Variants in CABP1 observed in about 807,000 individuals in gnomAD.
The protein encoded by CABP1 is calcium-binding protein 1.
CABP1 carries 17 observed loss-of-function variants against 34.3 expected under a neutral mutation model. That is an observed-to-expected ratio of 0.50 (90% confidence interval 0.34 to 0.74). The LOEUF (loss-of-function observed/expected upper bound fraction) is 0.74, where lower values mean the gene tolerates loss of function less well. Among genes scored for constraint, CABP1 ranks in the 30% least tolerant of loss-of-function variants. CABP1 has a pLI of 0.01. For synonymous variants in CABP1, 198 were observed against 229.2 expected (o/e 0.86, Z 1.23); for missense variants, 373 against 511.1 (o/e 0.73, Z 2.61).
chr12:120,643,598 A>G (rs1879434082), intron 1 of CABP1, among the ~76,000 whole-genome samples: 1 of 152,186 alleles, frequency 6.6e-6, no homozygotes, highest in Admixed American at 6.5e-5. Context: ...TCTTTTTTAA[A>G]AAATATATTT....
intron 2 of CABP1, 55 bp downstream of exon 2, chr12:120,659,963 G>A: frequency 1.3e-6 from 2 of 1,571,426 alleles, no homozygotes; most frequent in African/African-American, 1.4e-5. Flanking sequence ...GAAGGTGTGG[G>A]AAGGGAGGTT....
intron 1 of CABP1, chr12:120,655,163 C>G (rs899077563): frequency 3.3e-5 from 5 of 152,972 alleles, no homozygotes; most frequent in African/African-American, 1.2e-4. Context: ...TGCGGTGGCT[C>G]ACGCCTGTAA....
intron 1 of CABP1, among the ~76,000 whole-genome samples, chr12:120,646,244 C>G (rs1223193678): frequency 6.6e-6 from 1 of 152,182 alleles, no homozygotes; most frequent in Non-Finnish European, 1.5e-5. Context: ...TGTCTTAGTA[C>G]CGGGCTGTCA....
downstream of CABP1, among the ~76,000 whole-genome samples, chr12:120,670,333 G>A (rs1881210466): frequency 6.6e-6 from 1 of 152,164 alleles, no homozygotes; most frequent in Admixed American, 6.5e-5. Context: ...ATGACTGTTT[G>A]AAGAAAGGGG....
chr12:120,677,335 G>C, the CABP1 span, among the ~76,000 whole-genome samples: 1 of 150,014 alleles, frequency 6.7e-6, no homozygotes, highest in South Asian at 2.1e-4. Flanking sequence ...TGATCTGCCT[G>C]CCTTGGCCTC....
chr12:120,647,032 C>T (rs1593155253), intron 1 of CABP1, among the ~76,000 whole-genome samples: 1 of 152,178 alleles, frequency 6.6e-6, no homozygotes, highest in East Asian at 1.9e-4. Context: ...CCAGGTTTTG[C>T]CGGCTCCTGT....
intron 5 of CABP1, among the ~76,000 whole-genome samples, chr12:120,662,837 A>C (rs1035735826): frequency 6.6e-6 from 1 of 150,914 alleles, no homozygotes; most frequent in African/African-American, 2.4e-5. Context: ...GGCGCCTACC[A>C]CCACGTCCAG....
At chr12:120,646,839 G>GA (rs1384492391) in intron 1 of CABP1, among the ~76,000 whole-genome samples, 1 of 152,188 alleles carries the variant, frequency 6.6e-6, no homozygotes, top group Admixed American at 6.5e-5. Context: ...ATTTCCTACT[G>GA]AAGGCTGAGC....
At chr12:120,672,292 C>A (rs1350673995), downstream of CABP1, among the ~76,000 whole-genome samples, 2 of 152,068 alleles carry the variant, frequency 1.3e-5, no homozygotes, top group African/African-American at 2.4e-5. Context: ...CTGGGAAAAA[C>A]AATACAGGTC....
the CABP1 span, among the ~76,000 whole-genome samples, chr12:120,679,442 G>T: frequency 7.2e-5 from 11 of 152,324 alleles, no homozygotes; most frequent in South Asian, 2.3e-3. Flanking sequence ...AGGTCATTAA[G>T]AGCATCGGAT....
chr12:120,641,148 C>A lies in CABP1; in HGVS notation c.463C>A (p.Arg155=). The A allele has an allele frequency of 8.1e-7, 1 of 1,235,472 alleles. No individual in the cohort carries two copies. Among genetic ancestry groups the A allele is most frequent in the African/African-American group, 1.6e-5 (1 of 64,008 alleles). The allele number at this position is 1,235,472 out of a possible 1,614,324, so 76.5% of individuals were successfully genotyped here. A position where few individuals can be genotyped will look rare whatever the true frequency, so the allele number is the denominator to read the frequency against. The change falls in exon 1 of 6, where the codon CGA becomes AGA. Residue 155 remains arginine, a synonymous_variant. Transcript: ENST00000316803. The surrounding 1 kb of genome is among the most constrained non-coding windows in gnomAD (Gnocchi z 6.7). ...PREALPAAAS[R]PSPSSPLPPA... is the part of the protein sequence containing the mutation. ...GGAGGCGCTGCCGGCCGCGGCGTCC[C>A]GACCTTCGCCGTCGTCGCCGCTGCC...
At position 120,660,810 on chromosome 12, in the gene CABP1, T is replaced by C. The variant is rs1196133500; in HGVS notation, c.909T>C (p.Gly303=). Residue 303 remains glycine (G), a synonymous_variant, in exon 4 of 6, where the codon GGT becomes GGC. Transcript: ENST00000316803. This position sits in a 1 kb window ranked among gnomAD's most constrained non-coding sequence, Gnocchi z 5.0. ...TGGCAGAGACAGCAGATATGATTGG[T>C]GTAAAGGAACTGCGAGATGCTTTCC... is the stretch of plus-strand genomic sequence containing the variant. ...KLLAETADMI[G]VKELRDAFRE... 23 of 1,613,694 alleles carry C rather than the reference T, an allele frequency of 1.4e-5. No homozygotes were observed. Among genetic ancestry groups the C allele is most frequent in the East Asian group, 2.2e-5 (1 of 44,872 alleles).
intron 1 of CABP1, chr12:120,650,552 G>C: frequency 6.2e-7 from 1 of 1,608,208 alleles, no homozygotes. Flanking sequence ...GCTGGGGTTG[G>C]CAGAGACTGG....
Position 120,640,984 on chromosome 12 carries a change from G to T in CABP1, c.299G>T (p.Arg100Leu). ...CGGGACCCGGGGCTGCCTAGCCGCCGGCTACCCGGCTCCTGCCCGGCGACG... is the reference window on the plus strand; with the variant it reads ...CGGGACCCGGGGCTGCCTAGCCGCCTGCTACCCGGCTCCTGCCCGGCGACG... Reference protein sequence around the residue: ...PARDPGLPSRRLPGSCPATPQ... With the variant: ...PARDPGLPSRLLPGSCPATPQ... The change falls in exon 1 of 6, where the codon CGG becomes CTG. Residue 100 changes from arginine to leucine, a missense_variant. Transcript: ENST00000316803. The surrounding 1 kb of genome is among the most constrained non-coding windows in gnomAD (Gnocchi z 6.2). 8.7e-7 allele frequency: 1 copy of T among 1,154,768 alleles called. No individual in the cohort carries two copies. Among genetic ancestry groups the T allele is most frequent in the Non-Finnish European group, 1.1e-6 (1 of 938,868 alleles). 71.5% of individuals were successfully genotyped at this position (1,154,768 alleles called of 1,614,324 possible).
intron 1 of CABP1, among the ~76,000 whole-genome samples, chr12:120,642,372 G>A (rs1879375892): frequency 1.3e-5 from 2 of 152,180 alleles, no homozygotes; most frequent in Admixed American, 6.5e-5. Context: ...TTGCCACGCC[G>A]GATCAGAATT....
intron 1 of CABP1, chr12:120,655,906 C>A (rs956330586): frequency 3.3e-6 from 5 of 1,536,392 alleles, no homozygotes; most frequent in Non-Finnish European, 4.4e-6. Flanking sequence ...CCACCATTTC[C>A]GTCAAGGATT....
intron 5 of CABP1, among the ~76,000 whole-genome samples, chr12:120,665,097 CAGAGA>C (rs1458241379): frequency 1.3e-5 from 2 of 151,704 alleles, no homozygotes; most frequent in African/African-American, 4.8e-5. Context: ...GATGAATAGG[CAGAGA>C]AGAGAAGATT....
rs749698253 is a variant in CABP1 at position 120,661,058 on chromosome 12, C to T, written c.940-13C>T. ...TGCTGGGGCGACCTCTCCTTCCTTC[C>T]TGCCTTCTCTAGTTTGACACCAATG... is the stretch of plus-strand genomic sequence containing the variant. On this transcript the variant is annotated splice_polypyrimidine_tract_variant and intron_variant, in intron 4 of 5. Transcript: ENST00000316803. The surrounding 1 kb of genome is among the most constrained non-coding windows in gnomAD (Gnocchi z 5.1). The T allele has an allele frequency of 3.7e-6, 6 of 1,609,922 alleles. No individual in the cohort carries two copies. The highest frequency in any genetic ancestry group is 5.1e-6 in the Non-Finnish European group (6 of 1,177,998).
the CABP1 span, among the ~76,000 whole-genome samples, chr12:120,677,610 T>A: frequency 6.6e-6 from 1 of 151,926 alleles, no homozygotes; most frequent in Non-Finnish European, 1.5e-5. Flanking sequence ...TCTCACGATG[T>A]TGCCCAGGCT....
Sources: gnomAD v4.1 joint callset for allele counts (sites outside exome capture counted in the v4.1 genomes callset) on GRCh38, gnomAD v4.1.1 for gene constraint, Gnocchi (gnomAD v3.1) non-coding constraint, MANE v1.5 for transcripts, NCBI Gene and HGNC (gene_info 2026-07-23, HGNC 2026-07-21) for gene names.